STAG3: variants seen among roughly 807,000 people sequenced by gnomAD.
STAG3 encodes cohesin subunit SA-3.
STAG3 carries 101 observed loss-of-function variants against 160.7 expected under a neutral mutation model. That is an observed-to-expected ratio of 0.63 (90% CI 0.54 to 0.74). STAG3 has a LOEUF of 0.74. STAG3 is among the 30% of genes least tolerant of loss of function. The probability of loss-of-function intolerance (pLI) is 0.00; values close to 1 mark genes in which losing one functional copy is unlikely to be tolerated. For missense variants in STAG3, 1,188 were observed against 1,517.4 expected (o/e 0.78, Z 3.61); for synonymous variants, 519 against 585.0 (o/e 0.89, Z 1.63).
In STAG3 at chr7:100,202,549, G is replaced by A; in HGVS notation, c.2659G>A (p.Glu887Lys). ...FCKLLLYGVL[E>K]MDAASDVFKH... ...CAAGCTGTTGCTTTATGGGGTGCTG[G>A]AGATGGATGCAGCCTCAGATGTTTT... is the stretch of plus-strand genomic sequence containing the variant. Residue 887 changes from glutamate (E) to lysine (K), a missense_variant, in exon 25 of 34, where the codon GAG becomes AAG. Transcript: ENST00000615138. 1.2e-6 allele frequency: 2 copies of A among 1,614,110 alleles called. No homozygotes were observed. Among genetic ancestry groups the A allele is most frequent in the South Asian group, 2.2e-5 (2 of 91,088 alleles).
intron 4 of STAG3, among the ~76,000 whole-genome samples, chr7:100,183,107 G>A (rs1562965502): frequency 1.3e-5 from 2 of 152,082 alleles, no homozygotes; most frequent in Non-Finnish European, 2.9e-5. Context: ...TCTGCCTCCT[G>A]GGTTCAAGCG....
chr7:100,188,734 G>C, intron 6 of STAG3, 78 bp from the exon 7 acceptor site: 1 of 1,436,694 alleles, frequency 7.0e-7, no homozygotes, highest in East Asian at 2.3e-5. Context: ...CTGGACTGTT[G>C]AGTTTTGACA....
At chr7:100,196,110 CAA>C (rs1800668284) in intron 9 of STAG3, among the ~76,000 whole-genome samples, 1 of 149,842 alleles carries the variant, frequency 6.7e-6, no homozygotes, top group South Asian at 2.1e-4. Context: ...GCCTAGGCAA[CAA>C]GAGTGAAACT....
At position 100,198,914 on chromosome 7, in the gene STAG3, G is replaced by C. The variant is rs561961816; in HGVS notation, c.1424G>C (p.Arg475Thr). 6.2e-7 allele frequency: 1 copy of C among 1,612,142 alleles called. No individual in the cohort carries two copies. The highest frequency in any genetic ancestry group is 1.3e-5 in the African/African-American group (1 of 74,858). The stretch of plus-strand genomic sequence containing the variant: ...CAACGCCAGAGCCCAGGCGCCCAGA[G>C]GACTTTCTTCCAGCTTCTGCTGTCC... ...REQRQSPGAQ[R>T]TFFQLLLSFF... Residue 475 changes from arginine to threonine, a missense_variant, in exon 14 of 34, where the codon AGG becomes ACG. Transcript: ENST00000615138.
At position 100,214,162 on chromosome 7, in the gene STAG3, A is replaced by G; in HGVS notation, c.*147A>G. On this transcript the variant is annotated 3_prime_UTR_variant, in exon 34 of 34. Coordinates refer to ENST00000615138, the MANE Select transcript of STAG3 (RefSeq NM_001282717.2). ...GGAAAGAGTTGGGCATTGTTTTTCT[A>G]ACCTAACCTTTCCCTCTGGGGTAGA... 1 of 1,167,170 alleles carries G rather than the reference A, an allele frequency of 8.6e-7. No individual in the cohort carries two copies. The highest frequency in any genetic ancestry group is 1.2e-6 in the Non-Finnish European group (1 of 809,194). The allele number at this position is 1,167,170 out of a possible 1,614,324, so 72.3% of individuals were successfully genotyped here. A position where few individuals can be genotyped will look rare whatever the true frequency, so the allele number is the denominator to read the frequency against.
chr7:100,184,712 G>A (rs970091414), intron 4 of STAG3, among the ~76,000 whole-genome samples: 2 of 151,812 alleles, frequency 1.3e-5, no homozygotes, highest in Non-Finnish European at 2.9e-5. Context: ...GTGATCCGCC[G>A]GCCTCGGCCT....
At chr7:100,193,221 TTTG>T (rs1800449144) in intron 8 of STAG3, among the ~76,000 whole-genome samples, 1 of 152,218 alleles carries the variant, frequency 6.6e-6, no homozygotes, top group African/African-American at 2.4e-5. Flanking sequence ...TCAGTTAGGC[TTTG>T]TTGTTTCATT....
chr7:100,192,096 G>A (rs770069637), intron 8 of STAG3, among the ~76,000 whole-genome samples: 2 of 152,190 alleles, frequency 1.3e-5, no homozygotes, highest in African/African-American at 4.8e-5. Context: ...TCCACTGCAC[G>A]TGTAGTTTAC....
At chr7:100,195,219 G>A in intron 8 of STAG3, 90 bp from the exon 9 acceptor site, 2 of 1,086,432 alleles carry the variant, frequency 1.8e-6, no homozygotes, top group Non-Finnish European at 1.4e-6. Flanking sequence ...TAAACAGGAA[G>A]TAGGTGGAAG....
intron 29 of STAG3, 117 bp from the exon 30 acceptor site, chr7:100,210,894 A>C: frequency 9.0e-7 from 1 of 1,111,086 alleles, no homozygotes; most frequent in Non-Finnish European, 1.3e-6. Context: ...AAGCTGTATA[A>C]GTTTTCCATT....
chr7:100,200,656 T>C (rs1801048941), intron 18 of STAG3, 113 bp from the exon 19 acceptor site: 1 of 1,526,744 alleles, frequency 6.5e-7, no homozygotes, highest in South Asian at 1.2e-5. Flanking sequence ...GCAAGCCTTT[T>C]CTTAGGCATC....
intron 1 of STAG3, among the ~76,000 whole-genome samples, chr7:100,178,476 T>TA (rs1799418777): frequency 6.6e-6 from 1 of 152,058 alleles, no homozygotes. Context: ...TATTTCATTT[T>TA]AAAAAACCTG....
intron 29 of STAG3, among the ~76,000 whole-genome samples, chr7:100,206,733 G>C (rs1801689149): frequency 6.6e-6 from 1 of 152,082 alleles, no homozygotes; most frequent in South Asian, 2.1e-4. Context: ...GCCTCCCAAA[G>C]TGCTCCCAAA....
rs757518679 is a variant in STAG3, at chr7:100,202,162, C to A, written c.2395-10C>A. 7.5e-6 allele frequency: 12 copies of A among 1,609,760 alleles called. No homozygotes were observed. The highest frequency in any genetic ancestry group is 1.0e-5 in the Non-Finnish European group (12 of 1,177,840). On this transcript the variant is annotated splice_polypyrimidine_tract_variant and intron_variant, in intron 23 of 33. Coordinates refer to ENST00000615138, the MANE Select transcript of STAG3 (RefSeq NM_001282717.2). The stretch of plus-strand genomic sequence containing the variant: ...TGTCCTTTTAAACATCCTTTCTTTT[C>A]CCCCTACAGGCTTTTGTCTTATTAA...
chr7:100,209,762 A>C (rs1802006170), intron 29 of STAG3, among the ~76,000 whole-genome samples: 1 of 152,218 alleles, frequency 6.6e-6, no homozygotes, highest in Non-Finnish European at 1.5e-5. Flanking sequence ...AGGTATCTCT[A>C]ATAGGCTTTT....
At chr7:100,179,838 C>T (rs1237708975) in intron 1 of STAG3, among the ~76,000 whole-genome samples, 5 of 152,154 alleles carry the variant, frequency 3.3e-5, no homozygotes, top group East Asian at 1.9e-4. Context: ...TAGGTTCAAG[C>T]GATTCTCCTG....
chr7:100,213,435 C>G, intron 32 of STAG3: 5 of 985,466 alleles, frequency 5.1e-6, no homozygotes, highest in Non-Finnish European at 6.0e-6. Context: ...ATGATACCTT[C>G]AAACCAGAGA....
intron 2 of STAG3, among the ~76,000 whole-genome samples, 196 bp from the exon 3 acceptor site, chr7:100,181,894 T>G (rs1356999267): frequency 8.7e-6 from 1 of 114,338 alleles, no homozygotes; most frequent in Admixed American, 9.5e-5. Flanking sequence ...AGGGTGAAAC[T>G]CCGTCTCAAA....
At position 100,195,305 on chromosome 7, in the gene STAG3, C is replaced by A. The variant is rs751122232; in HGVS notation, c.868-4C>A. On this transcript the variant is annotated splice_region_variant and splice_polypyrimidine_tract_variant and intron_variant, in intron 8 of 33. Transcript: ENST00000615138. Reference sequence around the variant, plus strand: ...AGATTAACCCGTTTCTCCCTGTCCTCCAGCTCCAAGAGCATCAAGAGGAGA... The same window carrying A: ...AGATTAACCCGTTTCTCCCTGTCCTACAGCTCCAAGAGCATCAAGAGGAGA... 8.7e-6 allele frequency: 14 copies of A among 1,613,976 alleles called. No individual in the cohort carries two copies. The highest frequency in any genetic ancestry group is 1.3e-5 in the African/African-American group (1 of 74,922).
Sources: allele counts gnomAD v4.1 joint callset (sites outside exome capture counted in the v4.1 genomes callset), GRCh38; gene constraint gnomAD v4.1.1; transcripts MANE v1.5; gene names NCBI Gene and HGNC (gene_info 2026-07-23, HGNC 2026-07-21).